Variants in GRM7 observed in about 807,000 individuals in gnomAD.
GRM7 encodes metabotropic glutamate receptor 7.
GRM7 carries 35 observed loss-of-function variants against 84.5 expected under a neutral mutation model. That is an observed-to-expected ratio of 0.41 (90% CI 0.32 to 0.55). The LOEUF (loss-of-function observed/expected upper bound fraction) is 0.55. Ranked by LOEUF, GRM7 falls within the 20% of genes least tolerant of loss-of-function variation. The pLI is 0.19. For missense variants in GRM7, 1,003 were observed against 1,194.6 expected (o/e 0.84, Z 2.36); for synonymous variants, 487 against 455.1 (o/e 1.07, Z -0.89).
At chr3:7,149,604 G>A (rs539621008) in intron 2 of GRM7, among the ~76,000 whole-genome samples, 5 of 152,208 alleles carry the variant, frequency 3.3e-5, no homozygotes, top group South Asian at 4.2e-4. Context: ...TAGGTGAGGC[G>A]ATATGGCACA....
intron 8 of GRM7, among the ~76,000 whole-genome samples, chr3:7,673,800 G>A (rs899507038): frequency 5.3e-5 from 8 of 152,162 alleles, no homozygotes; most frequent in African/African-American, 1.4e-4. Flanking sequence ...GCAGCTTACC[G>A]TGTTCACCTA....
Position 6,862,900 on chromosome 3 carries a change from G to C in GRM7, c.519+993G>C, listed in dbSNP as rs1694810252. ...CCGGAGGGAGACGGAGAAAAAATGG[G>C]AGGAAGGCGGATCCGGGGCCGCTGA... On this transcript the variant is annotated intron_variant, in intron 1 of 9. Transcript: ENST00000357716. The surrounding 1 kb of genome is among the most constrained non-coding windows in gnomAD (Gnocchi z 5.2). 1 of 422,950 alleles carries C rather than the reference G, an allele frequency of 2.4e-6. No homozygotes were observed. The highest frequency in any genetic ancestry group is 2.1e-5 in the African/African-American group (1 of 48,504). The allele number at this position is 422,950 out of a possible 1,614,324, so 26.2% of individuals were successfully genotyped here. A position where few individuals can be genotyped will look rare whatever the true frequency, so the allele number is the denominator to read the frequency against.
At chr3:6,878,648 G>A (rs1311491344) in intron 1 of GRM7, among the ~76,000 whole-genome samples, 1 of 152,084 alleles carries the variant, frequency 6.6e-6, no homozygotes, top group East Asian at 1.9e-4. Flanking sequence ...AATAGCAAAG[G>A]CTCTCAAACA....
At chr3:7,638,041 T>C (rs748749784) in intron 8 of GRM7, among the ~76,000 whole-genome samples, 1 of 152,182 alleles carries the variant, frequency 6.6e-6, no homozygotes, top group Non-Finnish European at 1.5e-5. Context: ...TCCAAGAGAA[T>C]TGAGACACCA....
intron 8 of GRM7, among the ~76,000 whole-genome samples, chr3:7,617,878 A>C (rs1697175643): frequency 6.6e-6 from 1 of 152,106 alleles, no homozygotes; most frequent in Admixed American, 6.6e-5. Flanking sequence ...ATCAATCAAT[A>C]AATAGCTCAG....
chr3:6,958,681 C>CA (rs958856659), intron 1 of GRM7, among the ~76,000 whole-genome samples: 1 of 152,024 alleles, frequency 6.6e-6, no homozygotes, highest in African/African-American at 2.4e-5. Flanking sequence ...AAACTAAATA[C>CA]AAAAAAACTT....
chr3:7,096,063 A>G (rs773706004), intron 1 of GRM7, among the ~76,000 whole-genome samples: 1 of 152,178 alleles, frequency 6.6e-6, no homozygotes, highest in Non-Finnish European at 1.5e-5. Context: ...CAATTGTTTT[A>G]TGTATATATT....
chr3:6,978,284 A>G (rs1694074004), intron 1 of GRM7, among the ~76,000 whole-genome samples: 1 of 152,120 alleles, frequency 6.6e-6, no homozygotes, highest in Non-Finnish European at 1.5e-5. Flanking sequence ...CAGAAGCTGG[A>G]AGAGTCAAGG....
At chr3:7,269,847 C>A (rs537485390) in intron 2 of GRM7, among the ~76,000 whole-genome samples, 1 of 152,130 alleles carries the variant, frequency 6.6e-6, no homozygotes, top group Non-Finnish European at 1.5e-5. Context: ...TGCAGCTCCC[C>A]CTTTCCCTAC....
chr3:7,348,764 G>A (rs1693003626), intron 4 of GRM7, among the ~76,000 whole-genome samples: 2 of 152,070 alleles, frequency 1.3e-5, no homozygotes, highest in Non-Finnish European at 2.9e-5. Context: ...AGAAACTATA[G>A]CAATAGGGCC....
chr3:7,281,234 C>T (rs1699241025), intron 2 of GRM7, among the ~76,000 whole-genome samples: 2 of 152,114 alleles, frequency 1.3e-5, no homozygotes, highest in Non-Finnish European at 2.9e-5. Context: ...GCAGAAATTT[C>T]CAGATTCTTT....
intron 1 of GRM7, among the ~76,000 whole-genome samples, chr3:7,085,474 T>C (rs891680445): frequency 1.3e-5 from 2 of 152,166 alleles, no homozygotes; most frequent in Non-Finnish European, 2.9e-5. Context: ...TTATTAACAA[T>C]TGTAGTTGTA....
intron 7 of GRM7, among the ~76,000 whole-genome samples, chr3:7,547,167 C>G (rs979835250): frequency 2.8e-5 from 4 of 143,752 alleles, no homozygotes; most frequent in Non-Finnish European, 6.0e-5. Context: ...AGTGGCCTTT[C>G]TCAGCACAGC....
chr3:7,470,907 A>G (rs1338661435), intron 7 of GRM7, among the ~76,000 whole-genome samples: 1 of 151,976 alleles, frequency 6.6e-6, no homozygotes, highest in African/African-American at 2.4e-5. Flanking sequence ...AAATGAAAAT[A>G]CAGGAAGTAG....
chr3:7,666,831 G>A (rs570715111), intron 8 of GRM7, among the ~76,000 whole-genome samples: 91 of 152,050 alleles, frequency 6.0e-4, no homozygotes, highest in Non-Finnish European at 7.9e-4. Context: ...AAACAAACCT[G>A]ATACGAAGTA....
At chr3:7,561,953 G>A (rs557558871) in intron 7 of GRM7, among the ~76,000 whole-genome samples, 1 of 152,234 alleles carries the variant, frequency 6.6e-6, no homozygotes, top group South Asian at 2.1e-4. Context: ...TGACATGAAA[G>A]ATACCAGAAA....
intron 7 of GRM7, among the ~76,000 whole-genome samples, chr3:7,491,864 G>C (rs1365175105): frequency 1.3e-5 from 2 of 152,168 alleles, no homozygotes; most frequent in African/African-American, 4.8e-5. Flanking sequence ...GCATTTCACA[G>C]ATTCTGCTAC....
chr3:7,326,510 A>G (rs776730695), intron 4 of GRM7, among the ~76,000 whole-genome samples: 1 of 152,144 alleles, frequency 6.6e-6, no homozygotes, highest in Non-Finnish European at 1.5e-5. Context: ...CTACGTATCA[A>G]GAGAAAGGAA....
chr3:7,727,552 T>A (rs984976299), intron 9 of GRM7, among the ~76,000 whole-genome samples: 8 of 152,218 alleles, frequency 5.3e-5, no homozygotes, highest in Admixed American at 4.6e-4. Flanking sequence ...TCCAGAGTTC[T>A]AGTGTTGAGA....
Sources: gnomAD v4.1 joint callset for allele counts (sites outside exome capture counted in the v4.1 genomes callset) on GRCh38, gnomAD v4.1.1 for gene constraint, Gnocchi (gnomAD v3.1) non-coding constraint, MANE v1.5 for transcripts, NCBI Gene and HGNC (gene_info 2026-07-23, HGNC 2026-07-21) for gene names.